TNFRSF11B: variants seen among roughly 807,000 people sequenced by gnomAD.
TNFRSF11B encodes TNF receptor superfamily member 11b.
In TNFRSF11B, 16 loss-of-function variants were observed where a neutral mutation model predicts 43.4. That is an observed-to-expected ratio of 0.37 (90% confidence interval 0.25 to 0.56). TNFRSF11B has a LOEUF of 0.56. Ranked by LOEUF, TNFRSF11B falls within the 20% of genes least tolerant of loss-of-function variation. The pLI is 0.80. For missense variants in TNFRSF11B, 444 were observed against 490.1 expected, an observed-to-expected ratio of 0.91 and a Z score of 0.89; for synonymous variants, 185 against 181.8, an observed-to-expected ratio of 1.02 and a Z score of -0.14.
At position 118,933,227 on chromosome 8, in the gene TNFRSF11B, G is replaced by A; in HGVS notation, c.104C>T (p.Thr35Ile). The A allele has an allele frequency of 3.7e-6, 6 of 1,614,148 alleles. No homozygotes were observed. The highest frequency in any genetic ancestry group is 5.1e-6 in the Non-Finnish European group (6 of 1,180,020). The change falls in exon 2 of 5, where the codon ACC (threonine) becomes ATC (isoleucine). Residue 35 changes from threonine to isoleucine, a missense_variant. Coordinates refer to ENST00000297350, the MANE Select transcript of TNFRSF11B (RefSeq NM_002546.4). ...TTTGTCACACAACAGCTGATGAGAG[G>A]TTTCTTCGTCATAATGAAGGTACTT... ...PPKYLHYDEE[T>I]SHQLLCDKCP...
Position 118,924,573 on chromosome 8 carries a change from T to C in TNFRSF11B, c.1007A>G (p.Asn336Ser). 6.2e-7 allele frequency: 1 copy of C among 1,614,214 alleles called. No homozygotes were observed. Among genetic ancestry groups the C allele is most frequent in the Non-Finnish European group, 8.5e-7 (1 of 1,180,030 alleles). The change falls in exon 5 of 5, where the codon AAT (asparagine) becomes AGT (serine). Residue 336 changes from asparagine to serine, a missense_variant. By Grantham distance (46) the Asn-to-Ser change is conservative (BLOSUM62 1). Coordinates refer to ENST00000297350, the MANE Select transcript of TNFRSF11B (RefSeq NM_002546.4). ...LKLLSLWRIK[N>S]GDQDTLKGLM... ...GCCCTTCAAGGTGTCTTGGTCGCCA[T>C]TTTTTATTCGCCACAAACTGAGCAG... is the stretch of plus-strand genomic sequence containing the variant.
intron 1 of TNFRSF11B, among the ~76,000 whole-genome samples, chr8:118,942,548 T>C (rs1034165477): frequency 2.0e-5 from 3 of 152,092 alleles, no homozygotes; most frequent in African/African-American, 7.2e-5. Flanking sequence ...AAACATCATA[T>C]TGGAAGCCCT....
At chr8:118,927,640 G>C (rs1310691516) in intron 3 of TNFRSF11B, among the ~76,000 whole-genome samples, 1 of 150,560 alleles carries the variant, frequency 6.6e-6, no homozygotes. Context: ...GCTGGAACTG[G>C]GTTAGAATCT....
chr8:118,932,833 A>G, intron 2 of TNFRSF11B, 98 bp downstream of exon 2: 1 of 1,524,954 alleles, frequency 6.6e-7, no homozygotes. Context: ...GCAATTTGCT[A>G]TCCTATAATG....
chr8:118,933,770 TTTAAAACA>T (rs11573904), intron 1 of TNFRSF11B, among the ~76,000 whole-genome samples: 14,711 of 152,184 alleles, frequency 0.097, 825 homozygotes, highest in Non-Finnish European at 0.13. Flanking sequence ...GGCCTGGGGA[TTTAAAACA>T]CCTGCAGTGT....
chr8:118,936,530 T>G (rs1053549602), intron 1 of TNFRSF11B, among the ~76,000 whole-genome samples: 7 of 152,226 alleles, frequency 4.6e-5, no homozygotes, highest in African/African-American at 1.2e-4. Flanking sequence ...CGGTTTCTTC[T>G]GCTTATTTCC....
intron 2 of TNFRSF11B, 33 bp downstream of exon 2, chr8:118,932,898 T>A (rs762822313): frequency 1.2e-6 from 2 of 1,613,382 alleles, no homozygotes; most frequent in Non-Finnish European, 1.7e-6. Context: ...CTTTGCATGA[T>A]CCTAATTAAT....
intron 1 of TNFRSF11B, among the ~76,000 whole-genome samples, chr8:118,937,048 A>G (rs1373567335): frequency 6.6e-6 from 1 of 152,260 alleles, no homozygotes; most frequent in South Asian, 2.1e-4. Context: ...TTTTGAAAGG[A>G]AAGTTAAGGT....
chr8:118,943,493 A>AT (rs1159003650), intron 1 of TNFRSF11B, among the ~76,000 whole-genome samples: 3 of 151,994 alleles, frequency 2.0e-5, no homozygotes, highest in Admixed American at 2.0e-4. Flanking sequence ...ATTAATGGGT[A>AT]TTTTTTACTG....
chr8:118,940,627 C>T (rs1812473397), intron 1 of TNFRSF11B, among the ~76,000 whole-genome samples: 2 of 152,110 alleles, frequency 1.3e-5, no homozygotes, highest in Admixed American at 6.5e-5. Flanking sequence ...AGTAATTATA[C>T]AGGAGGTAGG....
At chr8:118,944,963 T>G (rs144860936) in intron 1 of TNFRSF11B, among the ~76,000 whole-genome samples, 20 of 152,228 alleles carry the variant, frequency 1.3e-4, no homozygotes, top group African/African-American at 4.3e-4. Context: ...CATTCATAAC[T>G]TCTATGCATA....
intron 1 of TNFRSF11B, among the ~76,000 whole-genome samples, chr8:118,948,294 T>A (rs772733130): frequency 6.6e-6 from 1 of 152,170 alleles, no homozygotes; most frequent in African/African-American, 2.4e-5. Flanking sequence ...TTTTTCTTTT[T>A]CTTTTTTGGC....
intron 3 of TNFRSF11B, 64 bp downstream of exon 3, chr8:118,928,674 T>C (rs2129886748): frequency 6.4e-7 from 1 of 1,558,628 alleles, no homozygotes; most frequent in South Asian, 1.1e-5. Context: ...AGGCCTTGTG[T>C]TCAACTCAGA....
intron 4 of TNFRSF11B, 38 bp from the exon 5 acceptor site, chr8:118,924,800 T>C: frequency 6.2e-7 from 1 of 1,613,282 alleles, no homozygotes; most frequent in Non-Finnish European, 8.5e-7. Context: ...GTTCACATCA[T>C]TTATATTCAT....
At chr8:118,933,333 T>C (rs554703337) in intron 1 of TNFRSF11B, 33 bp from the exon 2 acceptor site, 23 of 1,610,364 alleles carry the variant, frequency 1.4e-5, no homozygotes, top group Non-Finnish European at 1.9e-5. Context: ...TGGCATCATC[T>C]TAGCATGAAA....
chr8:118,925,860 C>T (rs1484060033), intron 4 of TNFRSF11B, among the ~76,000 whole-genome samples: 1 of 152,218 alleles, frequency 6.6e-6, no homozygotes, highest in Non-Finnish European at 1.5e-5. Flanking sequence ...CTATCTCTCT[C>T]TGTTTCTCTC....
At chr8:118,940,014 G>A (rs957665192) in intron 1 of TNFRSF11B, among the ~76,000 whole-genome samples, 3 of 152,214 alleles carry the variant, frequency 2.0e-5, no homozygotes, top group Non-Finnish European at 4.4e-5. Flanking sequence ...AAAAGGATAA[G>A]CTCATGTCCT....
At chr8:118,926,758 A>T (rs768436617) in intron 3 of TNFRSF11B, 40 bp from the exon 4 acceptor site, 12 of 1,559,022 alleles carry the variant, frequency 7.7e-6, no homozygotes, top group African/African-American at 1.4e-5. Context: ...TTACTCAACA[A>T]TTGGATTTCT....
At chr8:118,930,922 C>A (rs1367632446) in intron 2 of TNFRSF11B, among the ~76,000 whole-genome samples, 1 of 152,090 alleles carries the variant, frequency 6.6e-6, no homozygotes, top group Admixed American at 6.5e-5. Context: ...ACATGACTTC[C>A]CTCTATAACT....
Sources: gnomAD v4.1 joint callset for allele counts (sites outside exome capture counted in the v4.1 genomes callset) on GRCh38, gnomAD v4.1.1 for gene constraint, MANE v1.5 for transcripts, NCBI Gene and HGNC (gene_info 2026-07-23, HGNC 2026-07-21) for gene names.